Variants in CEMIP observed in about 807,000 individuals in gnomAD.
The protein encoded by CEMIP is cell migration-inducing and hyaluronan-binding protein.
In CEMIP, 105 loss-of-function variants were observed where a neutral mutation model predicts 156.9. The ratio of observed to expected loss-of-function variants is 0.67; its 90% CI spans 0.57 to 0.79. CEMIP has a LOEUF of 0.79. Among genes scored for constraint, CEMIP ranks in the 30% least tolerant of loss-of-function variants. The pLI is 0.00. For synonymous variants in CEMIP, 676 were observed against 668.4 expected (o/e 1.01, Z -0.17); for missense variants, 1,457 against 1,769.4 (o/e 0.82, Z 3.17).
chr15:80,912,548 A>G (rs1408827193), intron 14 of CEMIP, among the ~76,000 whole-genome samples: 1 of 152,222 alleles, frequency 6.6e-6, no homozygotes, highest in African/African-American at 2.4e-5. Flanking sequence ...GGCCTTCCCA[A>G]GGTAAAACCA....
intron 10 of CEMIP, among the ~76,000 whole-genome samples, chr15:80,890,972 A>G (rs1048075775): frequency 4.6e-5 from 7 of 152,242 alleles, no homozygotes; most frequent in Non-Finnish European, 8.8e-5. Flanking sequence ...CTTGGGTCCA[A>G]CAGAATCAAA....
At chr15:80,840,400 C>T (rs1897378494) in intron 1 of CEMIP, among the ~76,000 whole-genome samples, 1 of 152,100 alleles carries the variant, frequency 6.6e-6, no homozygotes. Flanking sequence ...TCCTTCCTGG[C>T]AGGGACCCCG....
intron 1 of CEMIP, among the ~76,000 whole-genome samples, chr15:80,789,164 C>T (rs185770212): frequency 6.6e-6 from 1 of 152,220 alleles, no homozygotes; most frequent in East Asian, 1.9e-4. Context: ...GTGGGTTCTG[C>T]TGTGGTCTCC....
At position 80,909,221 on chromosome 15, in the gene CEMIP, A is replaced by C; in HGVS notation, c.1712A>C (p.Tyr571Ser). The change falls in exon 14 of 30, where the codon TAT (tyrosine) becomes TCT (serine). Residue 571 changes from tyrosine to serine, a missense_variant. Physicochemically the swap from Tyr to Ser is moderately radical, Grantham distance 144. Around this residue, in one of 5 missense-constraint regions of CEMIP, gnomAD observed 53 missense variants for 104.5 expected, o/e 0.51. Transcript: ENST00000394685. ...LAGDVDERGG[Y>S]DPPTYIRDLS... is the part of the protein sequence containing the mutation. Reference sequence around the variant, plus strand: ...GGTGATGTAGACGAAAGGGGAGGTTATGACCCACCCACATACATCAGGGAC... The same window carrying C: ...GGTGATGTAGACGAAAGGGGAGGTTCTGACCCACCCACATACATCAGGGAC... 6.2e-7 allele frequency: 1 copy of C among 1,614,096 alleles called. No individual in the cohort carries two copies. The highest frequency in any genetic ancestry group is 8.5e-7 in the Non-Finnish European group (1 of 1,180,012).
intron 1 of CEMIP, among the ~76,000 whole-genome samples, chr15:80,869,953 C>A (rs1484642212): frequency 1.3e-5 from 2 of 152,206 alleles, no homozygotes; most frequent in African/African-American, 4.8e-5. Flanking sequence ...TTCTTTCATG[C>A]CATGGACTGT....
At chr15:80,846,243 C>G (rs1897553589) in intron 1 of CEMIP, among the ~76,000 whole-genome samples, 1 of 152,196 alleles carries the variant, frequency 6.6e-6, no homozygotes, top group Admixed American at 6.5e-5. Flanking sequence ...AACTCACCCA[C>G]ATAGGCCCGT....
chr15:80,795,947 T>C (rs1167947295), intron 1 of CEMIP, among the ~76,000 whole-genome samples: 3 of 152,186 alleles, frequency 2.0e-5, no homozygotes, highest in Non-Finnish European at 4.4e-5. Context: ...ATGGAGTTTT[T>C]TGTTATTATC....
At chr15:80,900,473 C>CT (rs1167326197) in intron 12 of CEMIP, among the ~76,000 whole-genome samples, 1 of 152,114 alleles carries the variant, frequency 6.6e-6, no homozygotes, top group Non-Finnish European at 1.5e-5. Context: ...ACCTCCCTCC[C>CT]TGAAGGACAT....
chr15:80,834,865 A>G (rs562734822), intron 1 of CEMIP, among the ~76,000 whole-genome samples: 56 of 152,302 alleles, frequency 3.7e-4, no homozygotes, highest in African/African-American at 1.3e-3. Context: ...AATATTTACA[A>G]TATTGAGTCT....
intron 1 of CEMIP, among the ~76,000 whole-genome samples, chr15:80,862,658 G>C (rs28589516): frequency 0.03 from 4,535 of 152,288 alleles, 214 homozygotes; most frequent in African/African-American, 0.1. Flanking sequence ...GGACTGGGGG[G>C]AGAATCCCTC....
rs144102782 is a variant in CEMIP, at chr15:80,843,038, A to G, written c.-175-30500A>G. Among the ~76,000 whole-genome samples the G allele has an allele frequency of 3.2e-3, 484 of 152,362 alleles. 2 individuals carry two copies. The highest frequency in any genetic ancestry group is 0.011 in the African/African-American group (454 of 41,574). ...CTAGTGAGAGGTGATGAGCTGGACC[A>G]TACAAGGTGACCTTTAAAATGCTGG... On this transcript the variant is annotated intron_variant, in intron 1 of 29. Transcript: ENST00000394685.
chr15:80,876,421 C>T (rs567219811), intron 3 of CEMIP, among the ~76,000 whole-genome samples: 41 of 152,358 alleles, frequency 2.7e-4, no homozygotes, highest in African/African-American at 8.9e-4. Context: ...AGCAAGCCCA[C>T]GTCTTCCCAC....
At chr15:80,803,021 G>A (rs1051739792) in intron 1 of CEMIP, among the ~76,000 whole-genome samples, 4 of 152,174 alleles carry the variant, frequency 2.6e-5, no homozygotes, top group Non-Finnish European at 4.4e-5. Context: ...AGAAGTCCAA[G>A]CTCAGGATGC....
intron 14 of CEMIP, among the ~76,000 whole-genome samples, chr15:80,912,234 A>G: frequency 6.6e-6 from 1 of 152,224 alleles, no homozygotes; most frequent in East Asian, 1.9e-4. Context: ...GTTCAGGGGT[A>G]GCCCATGGAG....
intron 1 of CEMIP, among the ~76,000 whole-genome samples, chr15:80,789,502 G>T (rs1443135899): frequency 6.6e-6 from 1 of 152,212 alleles, no homozygotes; most frequent in Non-Finnish European, 1.5e-5. Context: ...GGTAGTGAGA[G>T]AGAAAGCAGT....
chr15:80,933,444 G>C lies in CEMIP; in HGVS notation c.2993G>C (p.Ser998Thr), dbSNP rs754629345. Residue 998 changes from serine (S) to threonine (T), a missense_variant, in exon 23 of 30, where the codon AGT becomes ACT. By Grantham distance (58) the Ser-to-Thr change is moderately conservative (BLOSUM62 1). This residue lies in a region of CEMIP where 798 missense variants were observed against 980.1 expected (regional missense o/e 0.81). Transcript: ENST00000394685. The part of the protein sequence containing the change: ...NVPDWRGAIC[S>T]GCYAQMYIQA... ...CCCGACTGGAGAGGGGCCATTTGCAGTGGGTGCTATGCACAGGTGGGGACA... is the reference window on the plus strand; with the variant it reads ...CCCGACTGGAGAGGGGCCATTTGCACTGGGTGCTATGCACAGGTGGGGACA... 1.2e-6 allele frequency: 2 copies of C among 1,614,044 alleles called. No homozygotes were observed. Among genetic ancestry groups the C allele is most frequent in the Admixed American group, 3.3e-5 (2 of 60,002 alleles).
intron 1 of CEMIP, among the ~76,000 whole-genome samples, chr15:80,813,798 T>C (rs941940005): frequency 1.3e-5 from 2 of 152,180 alleles, no homozygotes; most frequent in Admixed American, 1.3e-4. Context: ...TCAAAATGAT[T>C]TTGATGTTGT....
rs902519132 is a variant in CEMIP, at chr15:80,858,566, A to T, written c.-175-14972A>T. 7.9e-5 allele frequency among the ~76,000 whole-genome samples: 12 copies of T among 151,392 alleles called. No homozygotes were observed. The East Asian group carries it at 1.9e-3, about 24-fold the overall frequency. On this transcript the variant is annotated intron_variant, in intron 1 of 29. Coordinates refer to ENST00000394685, the MANE Select transcript of CEMIP (RefSeq NM_001293298.2). ...TGGTCTCTACTAAAAAAAAAAAAAA[A>T]AATACAAAATTAGCTGGGTGTGGTG...
At chr15:80,945,331 G>C (rs1200407589) in intron 28 of CEMIP, among the ~76,000 whole-genome samples, 1 of 152,238 alleles carries the variant, frequency 6.6e-6, no homozygotes, top group Non-Finnish European at 1.5e-5. Flanking sequence ...TCCCGCTCCT[G>C]TGAGCTAACT....
Sources: allele counts gnomAD v4.1 joint callset (sites outside exome capture counted in the v4.1 genomes callset), GRCh38; gene constraint gnomAD v4.1.1; regional missense constraint gnomAD v4.1.1; transcripts MANE v1.5; gene names NCBI Gene and HGNC (gene_info 2026-07-23, HGNC 2026-07-21).